Variants in YES1 observed in about 807,000 individuals in gnomAD.
YES1 encodes the protein YES proto-oncogene 1, Src family tyrosine kinase.
Under a neutral mutation model 70.4 loss-of-function variants are expected in YES1, and 39 were observed. The observed-to-expected ratio is 0.55, with a 90% confidence interval of 0.43 to 0.72. YES1 has a LOEUF of 0.72. YES1 is among the 30% of genes least tolerant of loss of function. YES1 has a pLI of 0.00. For synonymous variants in YES1, 198 were observed against 218.6 expected, an observed-to-expected ratio of 0.91 and a Z score of 0.83; for missense variants, 495 against 644.8, an observed-to-expected ratio of 0.77 and a Z score of 2.52.
At chr18:742,014 T>C (rs2080221966) in intron 8 of YES1, among the ~76,000 whole-genome samples, 1 of 152,160 alleles carries the variant, frequency 6.6e-6, no homozygotes, top group Admixed American at 6.5e-5. Context: ...TAACTTGTAG[T>C]TGTCCTTGTC....
chr18:724,754 AAAGC>A, intron 11 of YES1, 122 bp from the exon 12 acceptor site: 1 of 702,916 alleles, frequency 1.4e-6, no homozygotes, highest in Non-Finnish European at 2.3e-6. Flanking sequence ...TTCTTTTAAC[AAAGC>A]AACAAAATAA....
chr18:793,311 T>C (rs1906369603), intron 1 of YES1, among the ~76,000 whole-genome samples: 1 of 152,060 alleles, frequency 6.6e-6, no homozygotes. Context: ...AGTGCTGGGA[T>C]TACAGGCGTG....
intron 1 of YES1, among the ~76,000 whole-genome samples, chr18:802,069 A>G (rs1338522803): frequency 6.6e-6 from 1 of 152,224 alleles, no homozygotes; most frequent in Non-Finnish European, 1.5e-5. Context: ...GATATCTATT[A>G]TAAAACATGC....
chr18:755,760 C>T (rs1217960527), intron 2 of YES1, among the ~76,000 whole-genome samples: 1 of 152,130 alleles, frequency 6.6e-6, no homozygotes, highest in African/African-American at 2.4e-5. Context: ...AATCTGAGTC[C>T]TTGATGACAC....
At chr18:798,728 G>A (rs1906667716) in intron 1 of YES1, among the ~76,000 whole-genome samples, 1 of 152,146 alleles carries the variant, frequency 6.6e-6, no homozygotes, top group African/African-American at 2.4e-5. Context: ...CATATAAGAA[G>A]TCTGGGGCAT....
chr18:742,461 A>T (rs1184795615), intron 8 of YES1, among the ~76,000 whole-genome samples: 1 of 26,896 alleles, frequency 3.7e-5, no homozygotes, highest in East Asian at 2.3e-3. Context: ...TCTCTATTTA[A>T]AAAAAAAAAA....
At chr18:789,875 C>T (rs1304319395) in intron 1 of YES1, among the ~76,000 whole-genome samples, 1 of 151,642 alleles carries the variant, frequency 6.6e-6, no homozygotes, top group Non-Finnish European at 1.5e-5. Flanking sequence ...GTCTGATCAA[C>T]GTGGTGAAAC....
At chr18:775,917 A>C (rs1905356943) in intron 1 of YES1, among the ~76,000 whole-genome samples, 1 of 152,082 alleles carries the variant, frequency 6.6e-6, no homozygotes. Flanking sequence ...CTTTGTTTTC[A>C]CTTCTGTGTA....
chr18:748,139 TTCATTGGATGAAGAA>T, intron 3 of YES1, 121 bp from the exon 4 acceptor site: 1 of 703,356 alleles, frequency 1.4e-6, no homozygotes, highest in South Asian at 2.3e-5. Flanking sequence ...TATTTATGCA[TTCATTGGATGAAGAA>T]TTAAACTCAA....
In YES1 at chr18:745,595, A is replaced by G. The variant is rs2080269814; in HGVS notation, c.724+113T>C. 52 of 996,034 alleles carry G rather than the reference A, an allele frequency of 5.2e-5. 1 individual carries two copies. The South Asian group carries it at 8.6e-4, about 17-fold the overall frequency. 61.7% of individuals were successfully genotyped at this position (996,034 alleles called of 1,614,324 possible). Reference sequence around the variant, plus strand: ...AGAATACAACAGACATTTATTGGGCATGTATTATGTGTAAATAAGTGTGTT... The same window carrying G: ...AGAATACAACAGACATTTATTGGGCGTGTATTATGTGTAAATAAGTGTGTT... On this transcript the variant is annotated intron_variant, in intron 6 of 11. Transcript: ENST00000314574.
At chr18:757,257 A>G (rs2080420908) in intron 1 of YES1, among the ~76,000 whole-genome samples, 1 of 152,198 alleles carries the variant, frequency 6.6e-6, no homozygotes, top group Non-Finnish European at 1.5e-5. Flanking sequence ...TAATCCCAGC[A>G]CTTTGGGAGG....
intron 1 of YES1, among the ~76,000 whole-genome samples, chr18:788,768 T>C (rs1158627754): frequency 6.6e-6 from 1 of 152,142 alleles, no homozygotes; most frequent in Non-Finnish European, 1.5e-5. Flanking sequence ...AAAAATATTT[T>C]TTTAAAAATT....
chr18:762,032 C>T (rs1904618009), intron 1 of YES1, among the ~76,000 whole-genome samples: 1 of 151,626 alleles, frequency 6.6e-6, no homozygotes, highest in South Asian at 2.1e-4. Context: ...ACTAAAAATA[C>T]AAAATTAGCT....
chr18:753,473 T>C (rs527387814), intron 2 of YES1, among the ~76,000 whole-genome samples: 4 of 152,124 alleles, frequency 2.6e-5, no homozygotes, highest in African/African-American at 4.8e-5. Flanking sequence ...TCCCACTGAC[T>C]TGTCAGATCA....
At chr18:792,195 T>G (rs1253450055) in intron 1 of YES1, among the ~76,000 whole-genome samples, 1 of 152,122 alleles carries the variant, frequency 6.6e-6, no homozygotes, top group Non-Finnish European at 1.5e-5. Flanking sequence ...TCCCAGCTAC[T>G]CCAGAGGCTG....
intron 1 of YES1, among the ~76,000 whole-genome samples, chr18:810,234 A>G (rs541850847): frequency 4.6e-5 from 7 of 152,332 alleles, no homozygotes; most frequent in Non-Finnish European, 1.0e-4. Flanking sequence ...TCGGTTGGTA[A>G]TATTTCACTT....
intron 2 of YES1, among the ~76,000 whole-genome samples, chr18:754,151 C>T: frequency 6.6e-6 from 1 of 152,180 alleles, no homozygotes; most frequent in East Asian, 1.9e-4. Context: ...AAATCCTTTA[C>T]TTAATCTCTT....
In YES1 at chr18:723,797, G is replaced by C. The variant is rs1414204173; in HGVS notation, c.*627C>G. 1 of 153,034 alleles carries C rather than the reference G, an allele frequency of 6.5e-6. No individual in the cohort carries two copies. Among genetic ancestry groups the C allele is most frequent in the African/African-American group, 2.4e-5 (1 of 41,422 alleles). 9.5% of individuals were successfully genotyped at this position (153,034 alleles called of 1,614,324 possible). Reference sequence around the variant, plus strand: ...CCATGAACATGAATATTAATGTACTGCATTATACTTTCAAATTCCACTTCT... The same window carrying C: ...CCATGAACATGAATATTAATGTACTCCATTATACTTTCAAATTCCACTTCT... On this transcript the variant is annotated 3_prime_UTR_variant, in exon 12 of 12. Transcript: ENST00000314574.
chr18:796,677 GAACC>G (rs776120861), intron 1 of YES1, among the ~76,000 whole-genome samples: 1 of 152,150 alleles, frequency 6.6e-6, no homozygotes, highest in Non-Finnish European at 1.5e-5. Flanking sequence ...AGAATCACTT[GAACC>G]CGGGAGGTGG....
Sources: allele counts gnomAD v4.1 joint callset (sites outside exome capture counted in the v4.1 genomes callset), GRCh38; gene constraint gnomAD v4.1.1; transcripts MANE v1.5; gene names NCBI Gene and HGNC (gene_info 2026-07-23, HGNC 2026-07-21).